Variants in CDKL2 observed in about 807,000 individuals in gnomAD.
CDKL2 encodes the protein cyclin dependent kinase like 2.
In CDKL2, 64 loss-of-function variants were observed where a neutral mutation model predicts 63.9. The observed-to-expected ratio is 1.00, with a 90% CI of 0.82 to 1.23. CDKL2 has a LOEUF of 1.23. Among genes scored for constraint, CDKL2 ranks in the 50% most tolerant of loss-of-function variants. The probability of loss-of-function intolerance (pLI) is 0.00; values close to 1 mark genes in which losing one functional copy is unlikely to be tolerated. For missense variants in CDKL2, 656 were observed against 668.0 expected (o/e 0.98, Z 0.20); for synonymous variants, 211 against 229.2 (o/e 0.92, Z 0.72).
At chr4:75,626,674 A>G (rs1447567939) in intron 1 of CDKL2, among the ~76,000 whole-genome samples, 1 of 86,662 alleles carries the variant, frequency 1.2e-5, no homozygotes, top group Non-Finnish European at 2.9e-5. Context: ...CTCAAAAAAA[A>G]AAAAAAAAGC....
intron 2 of CDKL2, among the ~76,000 whole-genome samples, chr4:75,621,678 G>A (rs893315714): frequency 6.6e-6 from 1 of 152,208 alleles, no homozygotes; most frequent in Non-Finnish European, 1.5e-5. Context: ...AAAGACTATA[G>A]GCCCACGCTA....
intron 1 of CDKL2, among the ~76,000 whole-genome samples, chr4:75,626,473 T>C (rs544865388): frequency 1.6e-4 from 24 of 152,176 alleles, no homozygotes; most frequent in South Asian, 4.1e-4. Context: ...GAGACCATCC[T>C]GGCTAACACG....
chr4:75,627,673 C>G (rs942500285), intron 1 of CDKL2, among the ~76,000 whole-genome samples: 3 of 150,980 alleles, frequency 2.0e-5, no homozygotes, highest in Non-Finnish European at 3.0e-5. Flanking sequence ...AATATTTGAT[C>G]ACATAACAAA....
At position 75,606,087 on chromosome 4, in the gene CDKL2, C is replaced by T. The variant is rs184015708; in HGVS notation, c.543-453G>A. Among the ~76,000 whole-genome samples, 20 of 152,254 alleles carry T rather than the reference C, an allele frequency of 1.3e-4. No homozygotes were observed. In the East Asian group the frequency reaches 3.9e-3, roughly 29 times the overall value. ...AGAGCCTATTCATTCTTTGTTTACGCATAACTCTAGCAAGCTTGACCAATC... is the reference window on the plus strand; with the variant it reads ...AGAGCCTATTCATTCTTTGTTTACGTATAACTCTAGCAAGCTTGACCAATC... On this transcript the variant is annotated intron_variant, in intron 4 of 13. Coordinates refer to ENST00000307465, the MANE Select transcript of CDKL2 (RefSeq NM_001330724.2).
At position 75,625,844 on chromosome 4, in the gene CDKL2, T is replaced by G; in HGVS notation, c.145A>C (p.Met49Leu). ...ACCTTTAGTAACTTGATTTCTCGCATTGCAATCTTTTTAACCATTTTGTCA... is the reference window on the plus strand; with the variant it reads ...ACCTTTAGTAACTTGATTTCTCGCAGTGCAATCTTTTTAACCATTTTGTCA... ...DDDKMVKKIA[M>L]REIKLLKQLR... Residue 49 changes from methionine to leucine, a missense_variant, in exon 2 of 14, where the codon ATG becomes CTG. Met to Leu is a conservative substitution (Grantham distance 15). Coordinates refer to ENST00000307465, the MANE Select transcript of CDKL2 (RefSeq NM_001330724.2). The G allele has an allele frequency of 6.2e-7, 1 of 1,612,182 alleles. No individual in the cohort carries two copies. The highest frequency in any genetic ancestry group is 8.5e-7 in the Non-Finnish European group (1 of 1,179,560).
At chr4:75,623,578 A>C (rs1298449403) in intron 2 of CDKL2, among the ~76,000 whole-genome samples, 1 of 152,222 alleles carries the variant, frequency 6.6e-6, no homozygotes, top group Non-Finnish European at 1.5e-5. Context: ...AGACAGAAAC[A>C]CAATGTAAAA....
At chr4:75,595,565 T>A (rs1264549024) in intron 10 of CDKL2, among the ~76,000 whole-genome samples, 1 of 152,098 alleles carries the variant, frequency 6.6e-6, no homozygotes, top group Non-Finnish European at 1.5e-5. Flanking sequence ...AGACAATTTA[T>A]CTTTTCATCT....
intron 11 of CDKL2, 67 bp downstream of exon 11, chr4:75,592,079 A>G (rs1400429595): frequency 1.4e-5 from 20 of 1,434,596 alleles, no homozygotes; most frequent in Non-Finnish European, 1.7e-5. Flanking sequence ...TTATTTTTAA[A>G]TTCTGTCTAA....
intron 6 of CDKL2, among the ~76,000 whole-genome samples, chr4:75,601,206 A>G (rs1729176505): frequency 6.6e-6 from 1 of 152,194 alleles, no homozygotes; most frequent in East Asian, 1.9e-4. Flanking sequence ...TTAAACATCA[A>G]TTAGATATTT....
At chr4:75,598,592 T>TTA (rs1553928933) in intron 7 of CDKL2, among the ~76,000 whole-genome samples, 8 of 145,834 alleles carry the variant, frequency 5.5e-5, no homozygotes, top group Non-Finnish European at 9.0e-5. Context: ...TTTTTTTTTT[T>TTA]AAAAAAAAAA....
chr4:75,612,134 C>A (rs1217816915), intron 3 of CDKL2, among the ~76,000 whole-genome samples: 2 of 152,014 alleles, frequency 1.3e-5, no homozygotes, highest in Admixed American at 1.3e-4. Context: ...CCATGCCCGG[C>A]TAATTTTTTT....
chr4:75,628,518 G>T (rs955418376), intron 1 of CDKL2, among the ~76,000 whole-genome samples: 1 of 152,004 alleles, frequency 6.6e-6, no homozygotes, highest in Non-Finnish European at 1.5e-5. Flanking sequence ...GCAATCATTG[G>T]ACAAAATGCT....
At chr4:75,610,062 C>T (rs1470607349) in intron 3 of CDKL2, among the ~76,000 whole-genome samples, 3 of 151,904 alleles carry the variant, frequency 2.0e-5, no homozygotes, top group African/African-American at 7.3e-5. Context: ...ATTAGCCAGG[C>T]GTGGTGGCAG....
chr4:75,596,650 C>T (rs1001527329), intron 9 of CDKL2, among the ~76,000 whole-genome samples: 2 of 152,226 alleles, frequency 1.3e-5, no homozygotes, highest in South Asian at 4.1e-4. Context: ...AAAATTATCT[C>T]TTTTAGTATG....
At chr4:75,625,749 T>C in intron 2 of CDKL2, 72 bp downstream of exon 2, 3 of 1,072,106 alleles carry the variant, frequency 2.8e-6, no homozygotes, top group Non-Finnish European at 4.1e-6. Flanking sequence ...TATCTAATCA[T>C]TGTATTTCTT....
In CDKL2 at chr4:75,613,124, C is replaced by CAAAAA. The variant is rs143485625; in HGVS notation, c.363+1126_363+1130dup. 2.7e-4 allele frequency among the ~76,000 whole-genome samples: 38 copies of CAAAAA among 142,318 alleles called. 1 individual carries two copies. Among genetic ancestry groups the CAAAAA allele is most frequent in the African/African-American group, 2.6e-4 (10 of 38,826 alleles). The allele number at this position is 142,318 out of a possible 152,430, so 93.4% of individuals were successfully genotyped here. A position where few individuals can be genotyped will look rare whatever the true frequency, so the allele number is the denominator to read the frequency against. ...TGGGCGATAGAGGGAGACTCCGTTT[C>CAAAAA]AAAAAAAAATAGATTTTCTGAGCCT... On this transcript the variant is annotated intron_variant, in intron 3 of 13. Coordinates refer to ENST00000307465, the MANE Select transcript of CDKL2 (RefSeq NM_001330724.2).
chr4:75,616,963 G>A (rs1250570957), intron 2 of CDKL2, among the ~76,000 whole-genome samples: 1 of 152,160 alleles, frequency 6.6e-6, no homozygotes, highest in East Asian at 1.9e-4. Context: ...GGAGGGCAAA[G>A]GGTGGGAGAA....
chr4:75,590,075 G>A (rs1213120529), intron 12 of CDKL2, among the ~76,000 whole-genome samples: 8 of 151,464 alleles, frequency 5.3e-5, no homozygotes, highest in African/African-American at 1.7e-4. Flanking sequence ...GCTGAGGTGG[G>A]AAGATTGCCT....
chr4:75,628,580 CTATT>C (rs1730541537), intron 1 of CDKL2, among the ~76,000 whole-genome samples: 1 of 152,044 alleles, frequency 6.6e-6, no homozygotes, highest in Non-Finnish European at 1.5e-5. Context: ...TTTTAACTAT[CTATT>C]ATTTCAGTAA....
Sources: gnomAD v4.1 joint callset for allele counts (sites outside exome capture counted in the v4.1 genomes callset) on GRCh38, gnomAD v4.1.1 for gene constraint, MANE v1.5 for transcripts, NCBI Gene and HGNC (gene_info 2026-07-23, HGNC 2026-07-21) for gene names.